CDH4: variants seen among roughly 807,000 people sequenced by gnomAD.
CDH4 encodes cadherin 4.
In CDH4, 33 loss-of-function variants were observed where a neutral mutation model predicts 86.0. The observed-to-expected ratio is 0.38, with a 90% confidence interval of 0.29 to 0.51. CDH4 has a LOEUF of 0.51. Ranked by LOEUF, CDH4 falls within the 20% of genes least tolerant of loss-of-function variation. The pLI, the probability that CDH4 is intolerant of heterozygous loss-of-function variation, is 0.86. For missense variants in CDH4, 1,114 were observed against 1,307.4 expected (o/e 0.85, Z 2.28); for synonymous variants, 555 against 549.4 (o/e 1.01, Z -0.14).
At chr20:61,507,348 G>A (rs2085748256) in intron 2 of CDH4, among the ~76,000 whole-genome samples, 1 of 152,214 alleles carries the variant, frequency 6.6e-6, no homozygotes, top group African/African-American at 2.4e-5. Flanking sequence ...CAGCTACTTT[G>A]TAAGTAGATT....
chr20:61,682,773 C>T (rs1341318332), intron 2 of CDH4, among the ~76,000 whole-genome samples: 1 of 152,074 alleles, frequency 6.6e-6, no homozygotes, highest in Admixed American at 6.6e-5. Flanking sequence ...TTGGGAAGTC[C>T]AAGGTGATTC....
At chr20:61,624,881 T>A (rs904921553) in intron 2 of CDH4, among the ~76,000 whole-genome samples, 2 of 152,178 alleles carry the variant, frequency 1.3e-5, no homozygotes, top group Non-Finnish European at 2.9e-5. Flanking sequence ...AGGCGCCCCT[T>A]GATCCCAGAA....
At chr20:61,608,982 C>T (rs749433394) in intron 2 of CDH4, among the ~76,000 whole-genome samples, 3 of 152,208 alleles carry the variant, frequency 2.0e-5, no homozygotes, top group Non-Finnish European at 1.5e-5. Context: ...CTCACGTCTC[C>T]GGGAGGGCTG....
At chr20:61,523,313 G>A (rs527793723) in intron 2 of CDH4, among the ~76,000 whole-genome samples, 3 of 152,358 alleles carry the variant, frequency 2.0e-5, no homozygotes, top group South Asian at 4.1e-4. Flanking sequence ...GCGGGCCCAC[G>A]CTGGTCTCTG....
Position 61,754,837 on chromosome 20 carries a change from A to G in CDH4, c.396+11048A>G, listed in dbSNP as rs989449105. The stretch of plus-strand genomic sequence containing the variant: ...ACGATGCATGCCACACACCACACAC[A>G]TGCCCCACACACACCACACAGTGCA... On this transcript the variant is annotated intron_variant, in intron 3 of 15. Coordinates refer to ENST00000614565, the MANE Select transcript of CDH4 (RefSeq NM_001794.5). The surrounding 1 kb of genome is among the most constrained non-coding windows in gnomAD (Gnocchi z 4.7). Among the ~76,000 whole-genome samples the G allele has an allele frequency of 6.8e-6, 1 of 147,826 alleles. No individual in the cohort carries two copies. The highest frequency in any genetic ancestry group is 2.5e-5 in the African/African-American group (1 of 40,032).
At chr20:61,373,114 GGCTT>G (rs2084849286) in intron 2 of CDH4, among the ~76,000 whole-genome samples, 1 of 152,256 alleles carries the variant, frequency 6.6e-6, no homozygotes, top group Non-Finnish European at 1.5e-5. Context: ...CCCCATGGCT[GGCTT>G]AGGGCAGCAG....
chr20:61,394,542 T>C (rs1218489373), intron 2 of CDH4, among the ~76,000 whole-genome samples: 1 of 152,008 alleles, frequency 6.6e-6, no homozygotes, highest in East Asian at 2.0e-4. Context: ...AAGAAGTAGG[T>C]GACAGGTAGC....
rs1156890440 is a variant in CDH4, at chr20:61,681,247, C to A, written c.170-62316C>A. ...GGCATAATTTGCTGTGAATTACCTA[C>A]AAATTGTATACAGTGCTTTAGGACT... On this transcript the variant is annotated intron_variant, in intron 2 of 15. Transcript: ENST00000614565. The surrounding 1 kb of genome is among the most constrained non-coding windows in gnomAD (Gnocchi z 4.5). Among the ~76,000 whole-genome samples the A allele has an allele frequency of 1.3e-5, 2 of 152,206 alleles. No homozygotes were observed. The highest frequency in any genetic ancestry group is 4.8e-5 in the African/African-American group (2 of 41,450).
intron 2 of CDH4, among the ~76,000 whole-genome samples, chr20:61,651,653 G>A (rs1384684010): frequency 1.3e-5 from 2 of 152,156 alleles, no homozygotes; most frequent in Non-Finnish European, 2.9e-5. Flanking sequence ...GGGGCCATCT[G>A]GTCAGCATTG....
At chr20:61,822,388 T>A (rs62206308) in intron 4 of CDH4, among the ~76,000 whole-genome samples, 1 of 152,152 alleles carries the variant, frequency 6.6e-6, no homozygotes, top group Non-Finnish European at 1.5e-5. Context: ...GTTTAGATTA[T>A]CAGAATTTTT....
intron 2 of CDH4, among the ~76,000 whole-genome samples, chr20:61,314,218 A>G (rs946175694): frequency 1.3e-5 from 2 of 152,208 alleles, no homozygotes; most frequent in Non-Finnish European, 2.9e-5. Context: ...TTAGATCCCC[A>G]GAAATCACCC....
At chr20:61,857,351 C>T (rs1459459343) in intron 6 of CDH4, among the ~76,000 whole-genome samples, 11 of 152,240 alleles carry the variant, frequency 7.2e-5, no homozygotes. Flanking sequence ...GGGAGAAGGC[C>T]CTGCTGGGTG....
intron 2 of CDH4, among the ~76,000 whole-genome samples, chr20:61,700,654 T>C (rs1258574902): frequency 6.6e-6 from 1 of 152,144 alleles, no homozygotes; most frequent in Non-Finnish European, 1.5e-5. Flanking sequence ...ACAGCCTCAC[T>C]GTGGGGCCAC....
intron 2 of CDH4, among the ~76,000 whole-genome samples, chr20:61,468,113 A>G (rs960575965): frequency 6.6e-6 from 1 of 152,062 alleles, no homozygotes; most frequent in African/African-American, 2.4e-5. Context: ...TTTATTTGGG[A>G]CTCCATCACC....
At chr20:61,668,518 C>T (rs1199276032) in intron 2 of CDH4, among the ~76,000 whole-genome samples, 4 of 152,230 alleles carry the variant, frequency 2.6e-5, no homozygotes, top group Non-Finnish European at 4.4e-5. Context: ...GGCCCATGTG[C>T]ATGCTGTGGA....
intron 3 of CDH4, among the ~76,000 whole-genome samples, chr20:61,747,843 AT>A (rs1365437519): frequency 6.6e-6 from 1 of 152,234 alleles, no homozygotes; most frequent in Non-Finnish European, 1.5e-5. Flanking sequence ...GGCAGAAGTA[AT>A]ATTTGAAAAT....
At chr20:61,808,757 G>T (rs1980273801) in intron 4 of CDH4, among the ~76,000 whole-genome samples, 1 of 152,242 alleles carries the variant, frequency 6.6e-6, no homozygotes, top group Non-Finnish European at 1.5e-5. Flanking sequence ...CCAGGCGCTG[G>T]CCAAGGGCGA....
chr20:61,730,720 G>C (rs1423758623), intron 2 of CDH4, among the ~76,000 whole-genome samples: 2 of 152,310 alleles, frequency 1.3e-5, no homozygotes, highest in East Asian at 3.9e-4. Context: ...AGGGCAACCT[G>C]AGCAGCCATC....
chr20:61,721,555 C>G (rs148668986), intron 2 of CDH4, among the ~76,000 whole-genome samples: 58 of 152,332 alleles, frequency 3.8e-4, no homozygotes, highest in Non-Finnish European at 7.5e-4. Context: ...GGCTTTTTCA[C>G]TGCTATCTTA....
Sources: gnomAD v4.1 joint callset for allele counts (sites outside exome capture counted in the v4.1 genomes callset) on GRCh38, gnomAD v4.1.1 for gene constraint, Gnocchi (gnomAD v3.1) non-coding constraint, MANE v1.5 for transcripts, NCBI Gene and HGNC (gene_info 2026-07-23, HGNC 2026-07-21) for gene names.